SYT1: variants seen among roughly 807,000 people sequenced by gnomAD.
SYT1 encodes synaptotagmin-1.
A neutral mutation model predicts 44.8 loss-of-function variants in SYT1; 8 were observed. The ratio of observed to expected loss-of-function variants is 0.18; its 90% confidence interval spans 0.10 to 0.32. The LOEUF (loss-of-function observed/expected upper bound fraction) is 0.32, where lower values mean the gene tolerates loss of function less well. Ranked by LOEUF, SYT1 falls within the 10% of genes least tolerant of loss-of-function variation. The pLI is 1.00. For synonymous variants in SYT1, 154 were observed against 188.8 expected (o/e 0.82, Z 1.51); for missense variants, 286 against 509.3 (o/e 0.56, Z 4.22).
chr12:79,329,568 A>G (rs1186234533), intron 8 of SYT1, among the ~76,000 whole-genome samples: 1 of 152,186 alleles, frequency 6.6e-6, no homozygotes, highest in Non-Finnish European at 1.5e-5. Flanking sequence ...CACTGTTCTG[A>G]CCACTTTATC....
intron 1 of SYT1, among the ~76,000 whole-genome samples, chr12:78,899,546 T>C (rs1875544288): frequency 6.6e-6 from 1 of 151,996 alleles, no homozygotes; most frequent in African/African-American, 2.4e-5. Context: ...TGGAGAGAAA[T>C]ACAATCTACT....
At chr12:79,264,370 G>A (rs577280399) in intron 4 of SYT1, among the ~76,000 whole-genome samples, 33 of 151,834 alleles carry the variant, frequency 2.2e-4, no homozygotes, top group Admixed American at 9.8e-4. Context: ...TAGCAGAGAC[G>A]GTAAACTATT....
At chr12:78,917,665 T>G (rs559975408) in intron 1 of SYT1, among the ~76,000 whole-genome samples, 9 of 151,702 alleles carry the variant, frequency 5.9e-5, no homozygotes, top group African/African-American at 1.9e-4. Flanking sequence ...GAGAATAAAT[T>G]TCCGTTAACA....
chr12:79,335,407 C>A (rs1052491713), intron 8 of SYT1, among the ~76,000 whole-genome samples: 7 of 133,998 alleles, frequency 5.2e-5, no homozygotes, highest in East Asian at 2.2e-4. Context: ...TTTTTTTTTA[C>A]TCGCAATCTT....
chr12:78,971,147 GA>G (rs2137388658), intron 1 of SYT1, among the ~76,000 whole-genome samples: 1 of 152,254 alleles, frequency 6.6e-6, no homozygotes, highest in South Asian at 2.1e-4. Context: ...CTGGGCAACA[GA>G]GTGAGACTAT....
chr12:78,916,063 G>A (rs78244404), intron 1 of SYT1, among the ~76,000 whole-genome samples: 11,781 of 151,952 alleles, frequency 0.078, 738 homozygotes, highest in African/African-American at 0.17. Flanking sequence ...TAATTAAATG[G>A]TAGAACATGC....
Position 78,894,330 on chromosome 12 carries a change from G to GT in SYT1, c.-217+29256dup, listed in dbSNP as rs566175647. 2.1e-3 allele frequency among the ~76,000 whole-genome samples: 57 copies of GT among 27,730 alleles called. 12 individuals carry two copies. Among genetic ancestry groups the GT allele is most frequent in the African/African-American group, 2.4e-3 (20 of 8,394 alleles). 18.2% of individuals were successfully genotyped at this position (27,730 alleles called of 152,430 possible). On this transcript the variant is annotated intron_variant, in intron 1 of 10. Transcript: ENST00000261205. ...AATTTATGATTGTGTTTTTTAATCT[G>GT]TTTTTTTTTTTTTTTTTTTTTTTTT... is the stretch of plus-strand genomic sequence containing the variant.
At chr12:79,136,656 G>T (rs1245926791) in intron 3 of SYT1, among the ~76,000 whole-genome samples, 1 of 151,960 alleles carries the variant, frequency 6.6e-6, no homozygotes, top group East Asian at 1.9e-4. Flanking sequence ...CTTTTAACAT[G>T]TTACCTAAAG....
intron 3 of SYT1, among the ~76,000 whole-genome samples, chr12:79,087,565 A>G (rs1877467046): frequency 6.6e-6 from 1 of 152,070 alleles, no homozygotes; most frequent in Non-Finnish European, 1.5e-5. Context: ...GAGAGTTCCT[A>G]GTCTGGTGGA....
rs1870971670 is a variant in SYT1, at chr12:79,004,859, A to C, written c.-84+26928A>C. Among the ~76,000 whole-genome samples, 3 of 152,098 alleles carry C rather than the reference A, an allele frequency of 2.0e-5. No homozygotes were observed. In the South Asian group the frequency reaches 6.2e-4, roughly 32 times the overall value. ...TATAAGTGATAGATCAATATAGCTA[A>C]CTCTAAGATCCTTTCTATTAAACAA... On this transcript the variant is annotated intron_variant, in intron 2 of 10. Coordinates refer to ENST00000261205, the MANE Select transcript of SYT1 (RefSeq NM_005639.3).
At chr12:78,929,407 CCCAAA>C (rs1360063114) in intron 1 of SYT1, among the ~76,000 whole-genome samples, 201 of 14,646 alleles carry the variant, frequency 0.014, 22 homozygotes, top group Non-Finnish European at 0.02. Context: ...GAGACTCCGT[CCCAAA>C]AAAAAAAAAA....
intron 4 of SYT1, among the ~76,000 whole-genome samples, chr12:79,249,088 CTTTTTTT>C (rs58983623): frequency 4.0e-4 from 29 of 71,822 alleles, no homozygotes; most frequent in Admixed American, 6.9e-4. Flanking sequence ...TTACCTCTTT[CTTTTTTT>C]TTTTTTTTTT....
intron 8 of SYT1, among the ~76,000 whole-genome samples, chr12:79,323,304 A>G (rs1881455238): frequency 6.6e-6 from 1 of 152,218 alleles, no homozygotes; most frequent in African/African-American, 2.4e-5. Context: ...ATGAACTAAA[A>G]TGACAGATTT....
In SYT1 at chr12:79,109,227, G is replaced by T. The variant is rs567890369; in HGVS notation, c.-18+61865G>T. ...AATGTTCAGGCCAGTTGGAGGCTCTGCCAGGGAGCCCTTCCCACCTGTCTC... is the reference window on the plus strand; with the variant it reads ...AATGTTCAGGCCAGTTGGAGGCTCTTCCAGGGAGCCCTTCCCACCTGTCTC... On this transcript the variant is annotated intron_variant, in intron 3 of 10. Transcript: ENST00000261205. Among the ~76,000 whole-genome samples the T allele has an allele frequency of 2.6e-5, 4 of 152,290 alleles. No homozygotes were observed. The East Asian group carries it at 7.7e-4, about 29-fold the overall frequency.
At chr12:79,340,650 AC>A (rs1226836746) in intron 8 of SYT1, among the ~76,000 whole-genome samples, 1 of 152,080 alleles carries the variant, frequency 6.6e-6, no homozygotes, top group Non-Finnish European at 1.5e-5. Flanking sequence ...CTAATTGAAT[AC>A]CCTTTATTTC....
At chr12:79,041,463 T>C (rs1416851798) in intron 2 of SYT1, among the ~76,000 whole-genome samples, 2 of 151,216 alleles carry the variant, frequency 1.3e-5, no homozygotes, top group South Asian at 2.1e-4. Context: ...GTGATTTTTG[T>C]ACATTGATTT....
At chr12:79,128,777 T>TA (rs1422952163) in intron 3 of SYT1, among the ~76,000 whole-genome samples, 1 of 152,194 alleles carries the variant, frequency 6.6e-6, no homozygotes, top group African/African-American at 2.4e-5. Flanking sequence ...TGAAGTATAA[T>TA]AAAAAATAAA....
chr12:79,138,857 A>G (rs971313938), intron 3 of SYT1, among the ~76,000 whole-genome samples: 1 of 152,236 alleles, frequency 6.6e-6, no homozygotes, highest in Non-Finnish European at 1.5e-5. Flanking sequence ...CAAGTGTGCC[A>G]CTTGCCTTAT....
chr12:79,419,910 T>C (rs1006663284), intron 9 of SYT1, among the ~76,000 whole-genome samples: 3 of 152,150 alleles, frequency 2.0e-5, no homozygotes, highest in Admixed American at 2.0e-4. Context: ...TTACTGTATG[T>C]ATTTTGTGCA....
Sources: allele counts gnomAD v4.1 joint callset (sites outside exome capture counted in the v4.1 genomes callset), GRCh38; gene constraint gnomAD v4.1.1; transcripts MANE v1.5; gene names NCBI Gene and HGNC (gene_info 2026-07-23, HGNC 2026-07-21).